Variants in TIAM1 observed in about 807,000 individuals in gnomAD.
TIAM1 encodes the protein rho guanine nucleotide exchange factor TIAM1.
In TIAM1, 65 loss-of-function variants were observed where a neutral mutation model predicts 163.5. The observed-to-expected ratio is 0.40, with a 90% confidence interval of 0.33 to 0.49. TIAM1 has a LOEUF of 0.49. Among genes scored for constraint, TIAM1 ranks in the 20% least tolerant of loss-of-function variants. The pLI is 0.77. For missense variants in TIAM1, 1,789 were observed against 2,044.7 expected, an observed-to-expected ratio of 0.87 and a Z score of 2.41; for synonymous variants, 833 against 810.1, an observed-to-expected ratio of 1.03 and a Z score of -0.48.
At chr21:31,188,450 A>T (rs1001077299) in intron 13 of TIAM1, among the ~76,000 whole-genome samples, 3 of 152,234 alleles carry the variant, frequency 2.0e-5, no homozygotes, top group African/African-American at 7.2e-5. Flanking sequence ...AAATTAAAAA[A>T]AAATCTATTA....
At chr21:31,388,395 C>G (rs1209889006) in intron 2 of TIAM1, among the ~76,000 whole-genome samples, 1 of 152,070 alleles carries the variant, frequency 6.6e-6, no homozygotes, top group Admixed American at 6.6e-5. Context: ...AAGCCCAACA[C>G]TTTGGGAGGC....
At chr21:31,400,267 C>T (rs1188908673) in intron 2 of TIAM1, among the ~76,000 whole-genome samples, 1 of 152,048 alleles carries the variant, frequency 6.6e-6, no homozygotes, top group Non-Finnish European at 1.5e-5. Flanking sequence ...GCTGGGACTA[C>T]AGGCACCCAC....
chr21:31,258,766 G>C (rs565525333), intron 4 of TIAM1, among the ~76,000 whole-genome samples: 104 of 151,202 alleles, frequency 6.9e-4, no homozygotes, highest in Admixed American at 1.8e-3. Context: ...AGTGAGCTGA[G>C]ATTGCACCAC....
chr21:31,175,567 G>A (rs186387369), intron 15 of TIAM1, among the ~76,000 whole-genome samples: 16 of 152,276 alleles, frequency 1.1e-4, no homozygotes, highest in African/African-American at 3.9e-4. Flanking sequence ...CATAAATGGG[G>A]ATTTGTGTTG....
chr21:31,120,561 A>G lies in TIAM1; in HGVS notation c.4583T>C (p.Leu1528Pro), dbSNP rs1371256350. 1.2e-6 allele frequency: 2 copies of G among 1,614,092 alleles called. No individual in the cohort carries two copies. Among genetic ancestry groups the G allele is most frequent in the African/African-American group, 1.3e-5 (1 of 74,930 alleles). ...CCGCTGACTGATGGAGGTGGCCTGA[A>G]GCCGCTCCTGCAGGTCTCTGTCCAC... ...ASVDRDLQER[L>P]QATSISQRER... is the part of the protein sequence containing the mutation. Residue 1528 changes from leucine to proline, a missense_variant, in exon 28 of 28, where the codon CTT becomes CCT. By Grantham distance (98) the Leu-to-Pro change is moderately conservative. Transcript: ENST00000541036. This position sits in a 1 kb window ranked among gnomAD's most constrained non-coding sequence, Gnocchi z 4.2.
chr21:31,189,083 CT>C (rs1156912515), intron 13 of TIAM1, among the ~76,000 whole-genome samples: 3 of 97,698 alleles, frequency 3.1e-5, no homozygotes, highest in Admixed American at 1.7e-4. Flanking sequence ...GAGATGGAGT[CT>C]CATTCTGTTG....
chr21:31,260,690 AAAGAG>A (rs1193182759), intron 4 of TIAM1, among the ~76,000 whole-genome samples: 2 of 130,508 alleles, frequency 1.5e-5, no homozygotes, highest in Non-Finnish European at 3.4e-5. Flanking sequence ...AAAGAAAGAT[AAAGAG>A]AAAAGAAAAA....
At chr21:31,541,397 C>T (rs376696687) in intron 1 of TIAM1, among the ~76,000 whole-genome samples, 1 of 152,118 alleles carries the variant, frequency 6.6e-6, no homozygotes, top group African/African-American at 2.4e-5. Context: ...GTTGAGGCTG[C>T]ACTGAGCCAA....
At chr21:31,369,466 AT>A (rs1341828944) in intron 2 of TIAM1, among the ~76,000 whole-genome samples, 1 of 152,064 alleles carries the variant, frequency 6.6e-6, no homozygotes, top group Non-Finnish European at 1.5e-5. Flanking sequence ...TTACAGCTAA[AT>A]GGCAGGAATA....
chr21:31,378,921 T>C lies in TIAM1; in HGVS notation c.-368-39499A>G, dbSNP rs138384547. The stretch of plus-strand genomic sequence containing the variant: ...TAATCTAGAGATTGCTTATAATATA[T>C]TGGAGAATGTGCATAGGTTTTGTGC... On this transcript the variant is annotated intron_variant, in intron 2 of 28. Transcript: ENST00000286827. Among the ~76,000 whole-genome samples the C allele has an allele frequency of 1.4e-3, 209 of 152,308 alleles. 1 individual carries two copies. The highest frequency in any genetic ancestry group is 4.6e-3 in the African/African-American group (191 of 41,568).
chr21:31,143,362 A>G (rs957924245), intron 20 of TIAM1, among the ~76,000 whole-genome samples: 7 of 152,054 alleles, frequency 4.6e-5, no homozygotes, highest in African/African-American at 1.7e-4. Flanking sequence ...TTTTCATAAC[A>G]GCACCTGGAA....
chr21:31,220,327 C>T (rs748948893), intron 8 of TIAM1, among the ~76,000 whole-genome samples: 1 of 152,328 alleles, frequency 6.6e-6, no homozygotes, highest in South Asian at 2.1e-4. Flanking sequence ...GGATGCCAGG[C>T]ACTTACATAC....
chr21:31,148,004 C>CA (rs34410316), intron 19 of TIAM1, among the ~76,000 whole-genome samples: 24,388 of 62,794 alleles, frequency 0.39, 3,077 homozygotes, highest in East Asian at 0.46. Context: ...TGTCCATGAC[C>CA]AAAAAAAAAA....
Position 31,200,292 on chromosome 21 carries a change from G to A in TIAM1, c.2493+2616C>T, listed in dbSNP as rs181809425. On this transcript the variant is annotated intron_variant, in intron 12 of 27. Transcript: ENST00000541036. The stretch of plus-strand genomic sequence containing the variant: ...GCAGAGGTTGCAGTGAGCCAAGATC[G>A]CGCCACTGCACTCCAGACTGGGCAA... 3.3e-3 allele frequency among the ~76,000 whole-genome samples: 502 copies of A among 151,880 alleles called. 2 individuals are homozygous for A. Among genetic ancestry groups the A allele is most frequent in the African/African-American group, 0.011 (461 of 41,394 alleles).
chr21:31,319,636 C>T (rs112100523), intron 2 of TIAM1, among the ~76,000 whole-genome samples: 22,542 of 151,720 alleles, frequency 0.15, 1,901 homozygotes, highest in Middle Eastern at 0.31. Flanking sequence ...AAAAAGTAGT[C>T]GGGCATGGTG....
At chr21:31,458,126 G>A (rs1031072176) in intron 2 of TIAM1, among the ~76,000 whole-genome samples, 5 of 152,064 alleles carry the variant, frequency 3.3e-5, no homozygotes, top group African/African-American at 9.7e-5. Flanking sequence ...CATGAGGTTC[G>A]ATAAAACAAT....
At chr21:31,489,792 G>A (rs1220661716) in intron 1 of TIAM1, among the ~76,000 whole-genome samples, 10 of 152,148 alleles carry the variant, frequency 6.6e-5, no homozygotes, top group Admixed American at 6.5e-4. Flanking sequence ...CCCTGGAGGG[G>A]AAGGTCAAAT....
At chr21:31,203,094 T>A in intron 11 of TIAM1, 82 bp from the exon 12 acceptor site, 1 of 1,094,020 alleles carries the variant, frequency 9.1e-7, no homozygotes. Context: ...ACATACGATG[T>A]ATTCCTATGA....
At position 31,358,142 on chromosome 21, in the gene TIAM1, G is replaced by T. The variant is rs759498330; in HGVS notation, c.-368-18720C>A. 7.2e-5 allele frequency among the ~76,000 whole-genome samples: 11 copies of T among 152,184 alleles called. No individual in the cohort carries two copies. The East Asian group carries it at 1.3e-3, about 19-fold the overall frequency. Reference sequence around the variant, plus strand: ...CTGCAGGACCTGTCTCAGGGCAGAGGGCGGCATCCCAGGGTAGGCCATATC... The same window carrying T: ...CTGCAGGACCTGTCTCAGGGCAGAGTGCGGCATCCCAGGGTAGGCCATATC... On this transcript the variant is annotated intron_variant, in intron 2 of 28. Coordinates refer to the TIAM1 transcript ENST00000286827.
Sources: gnomAD v4.1 joint callset for allele counts (sites outside exome capture counted in the v4.1 genomes callset) on GRCh38, gnomAD v4.1.1 for gene constraint, Gnocchi (gnomAD v3.1) non-coding constraint, MANE v1.5 for transcripts, NCBI Gene and HGNC (gene_info 2026-07-23, HGNC 2026-07-21) for gene names.